The following HOMER1 variants were observed in gnomAD, a reference collection of about 807,000 sequenced individuals.
The protein encoded by HOMER1 is homer scaffold protein 1.
Under a neutral mutation model 48.9 loss-of-function variants are expected in HOMER1, and 3 were observed. The ratio of observed to expected loss-of-function variants is 0.06; its 90% confidence interval spans 0.03 to 0.16. The LOEUF (loss-of-function observed/expected upper bound fraction) is 0.16. HOMER1 is among the 10% of genes least tolerant of loss of function. The pLI is 1.00. For synonymous variants in HOMER1, 134 were observed against 146.4 expected (o/e 0.92, Z 0.61); for missense variants, 247 against 411.4 (o/e 0.60, Z 3.46).
chr5:79,447,837 T>C (rs763180984), intron 3 of HOMER1, among the ~76,000 whole-genome samples: 2 of 152,172 alleles, frequency 1.3e-5, no homozygotes, highest in Non-Finnish European at 2.9e-5. Flanking sequence ...TCTATTTATG[T>C]TTTGGAAGTG....
intron 4 of HOMER1, among the ~76,000 whole-genome samples, chr5:79,443,532 C>T (rs1039581898): frequency 2.0e-4 from 31 of 152,092 alleles, no homozygotes; most frequent in African/African-American, 7.5e-4. Flanking sequence ...ACAATTAAGG[C>T]ATCTGAATTT....
chr5:79,402,168 CT>C (rs1296790356), intron 5 of HOMER1, 113 bp from the exon 6 acceptor site: 88,604 of 642,258 alleles, frequency 0.14, no homozygotes, highest in South Asian at 0.19. Context: ...GTTTTCTTTT[CT>C]TTTTTTTTTT....
intron 3 of HOMER1, among the ~76,000 whole-genome samples, chr5:79,448,283 A>G (rs1187490691): frequency 6.6e-6 from 1 of 152,198 alleles, no homozygotes; most frequent in Non-Finnish European, 1.5e-5. Flanking sequence ...AAATCAAAAC[A>G]AAACTTCTCT....
Position 79,447,212 on chromosome 5 carries a change from G to A in HOMER1, c.295-67C>T, listed in dbSNP as rs1750909009. ...GGTCACAGTGCCCACTTTTACCTTAGTAAAGTTATTCATTTTCTGAATAAC... is the reference window on the plus strand; with the variant it reads ...GGTCACAGTGCCCACTTTTACCTTAATAAAGTTATTCATTTTCTGAATAAC... On this transcript the variant is annotated intron_variant, in intron 3 of 8. Coordinates refer to ENST00000334082, the MANE Select transcript of HOMER1 (RefSeq NM_004272.5). 2.2e-6 allele frequency: 2 copies of A among 926,978 alleles called. 1 individual carries two copies. The highest frequency in any genetic ancestry group is 3.7e-5 in the Admixed American group (2 of 54,180). The allele number at this position is 926,978 out of a possible 1,614,324, so 57.4% of individuals were successfully genotyped here. A position where few individuals can be genotyped will look rare whatever the true frequency, so the allele number is the denominator to read the frequency against.
intron 1 of HOMER1, among the ~76,000 whole-genome samples, chr5:79,473,123 CA>C: frequency 6.6e-6 from 1 of 152,286 alleles, no homozygotes; most frequent in Middle Eastern, 3.4e-3. Context: ...CTCCAACCAC[CA>C]CAGCATAAAA....
At chr5:79,447,907 T>C (rs140602836) in intron 3 of HOMER1, among the ~76,000 whole-genome samples, 152 of 152,276 alleles carry the variant, frequency 1.0e-3, no homozygotes, top group African/African-American at 3.3e-3. Context: ...TAACTACATG[T>C]AAAAACCCCA....
intron 5 of HOMER1, among the ~76,000 whole-genome samples, chr5:79,408,899 A>G (rs1749739908): frequency 6.6e-6 from 1 of 151,850 alleles, no homozygotes. Context: ...AATGGCCAAC[A>G]TGGCAAAACC....
chr5:79,434,032 G>A (rs1561362183), intron 5 of HOMER1, among the ~76,000 whole-genome samples: 2 of 152,020 alleles, frequency 1.3e-5, no homozygotes, highest in Non-Finnish European at 2.9e-5. Flanking sequence ...AACATTAGAA[G>A]AATCTAAATA....
intron 1 of HOMER1, among the ~76,000 whole-genome samples, chr5:79,484,039 C>A (rs1161814378): frequency 8.8e-6 from 1 of 113,420 alleles, no homozygotes; most frequent in Non-Finnish European, 1.6e-5. Context: ...GAGCAAGACT[C>A]CATCTCAAAA....
intron 5 of HOMER1, among the ~76,000 whole-genome samples, chr5:79,403,670 G>C (rs1018439922): frequency 5.3e-5 from 8 of 152,140 alleles, no homozygotes; most frequent in African/African-American, 1.9e-4. Flanking sequence ...TGAAAACTGA[G>C]GGTTAGTTAG....
intron 1 of HOMER1, among the ~76,000 whole-genome samples, chr5:79,487,195 CT>C (rs1752129323): frequency 6.6e-6 from 1 of 152,172 alleles, no homozygotes; most frequent in Non-Finnish European, 1.5e-5. Flanking sequence ...AGGAGAATCG[CT>C]TGAACCCGGG....
chr5:79,437,909 A>T (rs926096438), intron 5 of HOMER1, among the ~76,000 whole-genome samples: 1 of 152,120 alleles, frequency 6.6e-6, no homozygotes, highest in Non-Finnish European at 1.5e-5. Context: ...CTCCTACCTC[A>T]GCTTCCCAAA....
intron 8 of HOMER1, among the ~76,000 whole-genome samples, chr5:79,385,817 T>TGG (rs1473407190): frequency 1.7e-5 from 2 of 115,134 alleles, no homozygotes; most frequent in African/African-American, 6.9e-5. Context: ...CACTCTAGCC[T>TGG]GGGTGACAGA....
chr5:79,495,155 A>G (rs1263122677), intron 1 of HOMER1, among the ~76,000 whole-genome samples: 1 of 152,224 alleles, frequency 6.6e-6, no homozygotes, highest in African/African-American at 2.4e-5. Flanking sequence ...TGGGTACTGC[A>G]TCAAAAATAT....
At position 79,450,876 on chromosome 5, in the gene HOMER1, C is replaced by G. The variant is rs13356332; in HGVS notation, c.294+114G>C. ...TGCTCTGAAGTCACTACTGCTGTTT[C>G]GAGAATATTAAATAAATTTCTCCTA... On this transcript the variant is annotated intron_variant, in intron 3 of 8. Coordinates refer to ENST00000334082, the MANE Select transcript of HOMER1 (RefSeq NM_004272.5). 3.8e-6 allele frequency: 4 copies of G among 1,043,852 alleles called. No individual in the cohort carries two copies. The South Asian group carries it at 7.7e-5, about 20-fold the overall frequency. The allele number at this position is 1,043,852 out of a possible 1,614,324, so 64.7% of individuals were successfully genotyped here. A position where few individuals can be genotyped will look rare whatever the true frequency, so the allele number is the denominator to read the frequency against.
At chr5:79,497,237 A>G (rs1752451261) in intron 1 of HOMER1, among the ~76,000 whole-genome samples, 1 of 152,198 alleles carries the variant, frequency 6.6e-6, no homozygotes, top group African/African-American at 2.4e-5. Context: ...CCATACATTC[A>G]GAAATATCAA....
intron 1 of HOMER1, among the ~76,000 whole-genome samples, chr5:79,506,612 G>A (rs1035175683): frequency 3.3e-5 from 5 of 152,122 alleles, no homozygotes; most frequent in African/African-American, 9.7e-5. Flanking sequence ...CAAGGCAGAC[G>A]GATCACTTGA....
intron 6 of HOMER1, among the ~76,000 whole-genome samples, chr5:79,400,661 A>C (rs1015248563): frequency 2.7e-5 from 4 of 149,428 alleles, no homozygotes; most frequent in African/African-American, 9.8e-5. Flanking sequence ...CCAGCTTGGA[A>C]TTTTTTTTAA....
At chr5:79,508,638 CTTAT>C (rs905016450) in intron 1 of HOMER1, among the ~76,000 whole-genome samples, 3 of 152,208 alleles carry the variant, frequency 2.0e-5, no homozygotes, top group African/African-American at 4.8e-5. Context: ...TGAATGCCCT[CTTAT>C]TTGTCTAAGA....
Sources: allele counts gnomAD v4.1 joint callset (sites outside exome capture counted in the v4.1 genomes callset), GRCh38; gene constraint gnomAD v4.1.1; transcripts MANE v1.5; gene names NCBI Gene and HGNC (gene_info 2026-07-23, HGNC 2026-07-21).